Variants in PHACTR2 observed in about 807,000 individuals in gnomAD.
PHACTR2 encodes chromosome 6 open reading frame 56.
Under a neutral mutation model 76.0 loss-of-function variants are expected in PHACTR2, and 30 were observed. The observed-to-expected ratio is 0.39, with a 90% CI of 0.30 to 0.54. PHACTR2 has a LOEUF of 0.54. Among genes scored for constraint, PHACTR2 ranks in the 20% least tolerant of loss-of-function variants. The pLI, the probability that PHACTR2 is intolerant of heterozygous loss-of-function variation, is 0.61. For missense variants in PHACTR2, 696 were observed against 781.1 expected, an observed-to-expected ratio of 0.89 and a Z score of 1.30; for synonymous variants, 292 against 292.5, an observed-to-expected ratio of 1.00 and a Z score of 0.02.
In PHACTR2 at chr6:143,708,772, C is replaced by T. The variant is rs1778106786; in HGVS notation, c.47-3244C>T. Among the ~76,000 whole-genome samples the T allele has an allele frequency of 6.6e-6, 1 of 152,142 alleles. No homozygotes were observed. The highest frequency in any genetic ancestry group is 6.5e-5 in the Admixed American group (1 of 15,278). On this transcript the variant is annotated intron_variant, in intron 1 of 12. Coordinates refer to ENST00000440869, the MANE Select transcript of PHACTR2 (RefSeq NM_001100164.2). This position sits in a 1 kb window ranked among gnomAD's most constrained non-coding sequence, Gnocchi z 5.5. ...GGCCAACTGTGCCAACATATGGTTTCTAATTGCAAATATGGTCTATGATAG... is the reference window on the plus strand; with the variant it reads ...GGCCAACTGTGCCAACATATGGTTTTTAATTGCAAATATGGTCTATGATAG...
intron 12 of PHACTR2, among the ~76,000 whole-genome samples, chr6:143,815,887 G>A (rs1266677150): frequency 2.6e-5 from 2 of 77,620 alleles, no homozygotes; most frequent in African/African-American, 5.6e-5. Flanking sequence ...GCAAGACTCT[G>A]TCTCAAGAAA....
chr6:143,545,980 G>A (rs183536650), intron 1 of PHACTR2, among the ~76,000 whole-genome samples: 37 of 152,170 alleles, frequency 2.4e-4, no homozygotes, highest in African/African-American at 7.0e-4. Context: ...TTACTTAGGT[G>A]GATTCTTTTA....
At chr6:143,603,476 C>T (rs146064803), upstream of PHACTR2, among the ~76,000 whole-genome samples, 349 of 151,102 alleles carry the variant, frequency 2.3e-3, 1 homozygote, top group African/African-American at 7.5e-3. Flanking sequence ...GAGAAGCAAA[C>T]GTTATCCAGA....
intron 1 of PHACTR2, among the ~76,000 whole-genome samples, chr6:143,559,685 C>CTT (rs1775234064): frequency 2.6e-5 from 1 of 38,106 alleles, no homozygotes; most frequent in African/African-American, 1.2e-4. Flanking sequence ...AGTGATTTTT[C>CTT]TTTTCTTTTT....
At chr6:143,812,324 C>A (rs1582905556) in intron 12 of PHACTR2, among the ~76,000 whole-genome samples, 1 of 152,292 alleles carries the variant, frequency 6.6e-6, no homozygotes, top group East Asian at 1.9e-4. Context: ...TAGTCAAAAA[C>A]AAACATTTAA....
intron 1 of PHACTR2, among the ~76,000 whole-genome samples, chr6:143,565,782 GC>G (rs1249240833): frequency 6.6e-6 from 1 of 152,152 alleles, no homozygotes; most frequent in Non-Finnish European, 1.5e-5. Context: ...CCAGAATGGA[GC>G]CTGCCAAGCT....
At chr6:143,727,298 T>A (rs1159169061) in intron 2 of PHACTR2, among the ~76,000 whole-genome samples, 1 of 152,206 alleles carries the variant, frequency 6.6e-6, no homozygotes. Flanking sequence ...TTCTTTTTTT[T>A]TTATGGCCAA....
At chr6:143,810,137 G>GTA (rs1430666220) in intron 12 of PHACTR2, among the ~76,000 whole-genome samples, 2 of 151,958 alleles carry the variant, frequency 1.3e-5, no homozygotes, top group African/African-American at 2.4e-5. Flanking sequence ...ATATATTTGT[G>GTA]TATATATATA....
intron 2 of PHACTR2, among the ~76,000 whole-genome samples, chr6:143,740,270 G>A (rs1473265510): frequency 6.6e-6 from 1 of 152,088 alleles, no homozygotes; most frequent in Non-Finnish European, 1.5e-5. Context: ...TGGTTTTGGT[G>A]GGTTTTAGCT....
rs1424608858 is a variant in PHACTR2, at chr6:143,830,158, T to C, written c.*6469T>C. ...TCATCCCTTAAAATATAGGGACTAA[T>C]ATTTCTTTTTCTTTTTTTTAAAAAA... is the stretch of plus-strand genomic sequence containing the variant. On this transcript the variant is annotated 3_prime_UTR_variant, in exon 13 of 13. Transcript: ENST00000440869. 6.6e-6 allele frequency: 1 copy of C among 152,136 alleles called. No individual in the cohort carries two copies. Among genetic ancestry groups the C allele is most frequent in the Admixed American group, 6.5e-5 (1 of 15,274 alleles). 9.4% of individuals were successfully genotyped at this position (152,136 alleles called of 1,614,324 possible). A position where few individuals can be genotyped will look rare whatever the true frequency, so the allele number is the denominator to read the frequency against.
chr6:143,615,853 T>A (rs1464884236), intron 1 of PHACTR2, among the ~76,000 whole-genome samples: 1 of 152,242 alleles, frequency 6.6e-6, no homozygotes, highest in Non-Finnish European at 1.5e-5. Context: ...TGACCACACC[T>A]GTGCCTGAAT....
rs1321143517 is a variant in PHACTR2 at position 143,722,217 on chromosome 6, A to G, written c.214+10034A>G. On this transcript the variant is annotated intron_variant, in intron 2 of 12. Transcript: ENST00000440869. This position sits in a 1 kb window ranked among gnomAD's most constrained non-coding sequence, Gnocchi z 4.1. ...ATCTGTTTTATTTTTTTATAACAAT[A>G]TATTTTCTGTTCTTTCTCTGTACCC... 2.6e-5 allele frequency among the ~76,000 whole-genome samples: 4 copies of G among 152,150 alleles called. No homozygotes were observed. Among genetic ancestry groups the G allele is most frequent in the African/African-American group, 9.7e-5 (4 of 41,444 alleles).
chr6:143,725,390 C>T lies in PHACTR2; in HGVS notation c.214+13207C>T, dbSNP rs1197946691. 1.1e-3 allele frequency among the ~76,000 whole-genome samples: 168 copies of T among 149,858 alleles called. 1 individual carries two copies. Among genetic ancestry groups the T allele is most frequent in the Non-Finnish European group, 2.0e-3 (138 of 67,328 alleles). Reference sequence around the variant, plus strand: ...TAATTTTTTGTATTTTTAGTAGAGACGGGGTTTCACCATGTTAGCCAGGAT... The same window carrying T: ...TAATTTTTTGTATTTTTAGTAGAGATGGGGTTTCACCATGTTAGCCAGGAT... On this transcript the variant is annotated intron_variant, in intron 2 of 12. Transcript: ENST00000440869.
rs188831893 is a variant in PHACTR2 at position 143,659,117 on chromosome 6, G to A, written c.13+50795G>A. On this transcript the variant is annotated intron_variant, in intron 1 of 11. Transcript: ENST00000305766. The surrounding 1 kb of genome is among the most constrained non-coding windows in gnomAD (Gnocchi z 5.0). ...ACTGGAGGTTGCCCTAGGTAAGTCT[G>A]TGAGTGAGTGATGGGTGAATGTGAA... 1.3e-5 allele frequency among the ~76,000 whole-genome samples: 2 copies of A among 152,066 alleles called. No individual in the cohort carries two copies. The highest frequency in any genetic ancestry group is 3.9e-4 in the East Asian group (2 of 5,164).
chr6:143,692,904 G>A (rs1027834074), intron 1 of PHACTR2, among the ~76,000 whole-genome samples: 1 of 152,198 alleles, frequency 6.6e-6, no homozygotes, highest in African/African-American at 2.4e-5. Flanking sequence ...TTTCCTCACT[G>A]TTCTGGAGGC....
Position 143,656,982 on chromosome 6 carries a change from A to G in PHACTR2, c.13+48660A>G, listed in dbSNP as rs1279001558. 3.3e-5 allele frequency among the ~76,000 whole-genome samples: 5 copies of G among 152,012 alleles called. No individual in the cohort carries two copies. Among genetic ancestry groups the G allele is most frequent in the Non-Finnish European group, 7.4e-5 (5 of 68,014 alleles). ...GCTACTTTTTATTTTTTACTTTTCA[A>G]AAATTGTGGTACACACTGCATCTTC... is the stretch of plus-strand genomic sequence containing the variant. On this transcript the variant is annotated intron_variant, in intron 1 of 11. Coordinates refer to the PHACTR2 transcript ENST00000305766. This position sits in a 1 kb window ranked among gnomAD's most constrained non-coding sequence, Gnocchi z 5.3.
rs1778463038 is a variant in PHACTR2, at chr6:143,722,396, T to G, written c.214+10213T>G. 6.6e-6 allele frequency among the ~76,000 whole-genome samples: 1 copy of G among 152,208 alleles called. No homozygotes were observed. Among genetic ancestry groups the G allele is most frequent in the Admixed American group, 6.5e-5 (1 of 15,286 alleles). ...ACCATTTTGTGGGTGTTTTCTTCTCTCTTGAATTCAACTTTAAGATTCTCT... is the reference window on the plus strand; with the variant it reads ...ACCATTTTGTGGGTGTTTTCTTCTCGCTTGAATTCAACTTTAAGATTCTCT... On this transcript the variant is annotated intron_variant, in intron 2 of 12. Coordinates refer to ENST00000440869, the MANE Select transcript of PHACTR2 (RefSeq NM_001100164.2). This position sits in a 1 kb window ranked among gnomAD's most constrained non-coding sequence, Gnocchi z 4.1.
At position 143,754,937 on chromosome 6, in the gene PHACTR2, G is replaced by A. The variant is rs913753966; in HGVS notation, c.454+1025G>A. Among the ~76,000 whole-genome samples, 11 of 152,074 alleles carry A rather than the reference G, an allele frequency of 7.2e-5. No homozygotes were observed. The highest frequency in any genetic ancestry group is 2.4e-4 in the African/African-American group (10 of 41,418). On this transcript the variant is annotated intron_variant, in intron 4 of 12. Coordinates refer to ENST00000440869, the MANE Select transcript of PHACTR2 (RefSeq NM_001100164.2). This position sits in a 1 kb window ranked among gnomAD's most constrained non-coding sequence, Gnocchi z 6.2. ...GACCCAGATCCTTGAGAGCGAAAGG[G>A]AAAAAAGATTATTTGATGGCCCTAT... is the stretch of plus-strand genomic sequence containing the variant.
In PHACTR2 at chr6:143,709,049, T is replaced by C. The variant is rs987366052; in HGVS notation, c.47-2967T>C. 2.0e-5 allele frequency among the ~76,000 whole-genome samples: 3 copies of C among 152,208 alleles called. No homozygotes were observed. The highest frequency in any genetic ancestry group is 4.4e-5 in the Non-Finnish European group (3 of 68,028). On this transcript the variant is annotated intron_variant, in intron 1 of 12. Transcript: ENST00000440869. The surrounding 1 kb of genome is among the most constrained non-coding windows in gnomAD (Gnocchi z 4.4). ...CCTTCCATGAGAGTTCAGCACAAAG[T>C]CTTCATGAAGAAGTAAAACCATACT... is the stretch of plus-strand genomic sequence containing the variant.
Sources: gnomAD v4.1 joint callset for allele counts (sites outside exome capture counted in the v4.1 genomes callset) on GRCh38, gnomAD v4.1.1 for gene constraint, Gnocchi (gnomAD v3.1) non-coding constraint, MANE v1.5 for transcripts, NCBI Gene and HGNC (gene_info 2026-07-23, HGNC 2026-07-21) for gene names.